Variants in DYNLT3 observed in about 807,000 individuals in gnomAD.
DYNLT3 encodes the protein protein 91/23.
In DYNLT3, 4 loss-of-function variants were observed where a neutral mutation model predicts 11.0. That is an observed-to-expected ratio of 0.36 (90% CI 0.18 to 0.83). The LOEUF (loss-of-function observed/expected upper bound fraction) is 0.83. Among genes scored for constraint, DYNLT3 ranks in the 40% least tolerant of loss-of-function variants. The pLI is 0.47. For synonymous variants in DYNLT3, 37 were observed against 31.2 expected (o/e 1.18, Z -0.61); for missense variants, 91 against 91.1 (o/e 1.00, Z 0.01).
At chrX:37,846,553 C>T (rs1253914605) in intron 1 of DYNLT3, among the ~76,000 whole-genome samples, 195 bp from the exon 2 acceptor site, 1 of 111,624 alleles carries the variant, frequency 9.0e-6, no homozygotes, top group African/African-American at 3.3e-5. Context: ...AGGTCTGGGG[C>T]AGAGCCTGCA....
chrX:37,845,190 T>C (rs1930243932), intron 2 of DYNLT3, among the ~76,000 whole-genome samples: 1 of 112,276 alleles, frequency 8.9e-6, no homozygotes, highest in African/African-American at 3.2e-5. Flanking sequence ...TAAAAACCTT[T>C]GCTTTCTACT....
At chrX:37,844,998 A>G (rs1383296485) in intron 2 of DYNLT3, among the ~76,000 whole-genome samples, 1 of 111,893 alleles carries the variant, frequency 8.9e-6, no homozygotes, top group Non-Finnish European at 1.9e-5. Context: ...AACTTAAGGA[A>G]GAAGGCACTA....
intron 2 of DYNLT3, among the ~76,000 whole-genome samples, chrX:37,845,739 A>G (rs1930255350): frequency 8.9e-6 from 1 of 112,890 alleles, no homozygotes; most frequent in African/African-American, 3.2e-5. Flanking sequence ...TATCCAAAAG[A>G]CAGGGCATCA....
In DYNLT3 at chrX:37,841,053, G is replaced by A. The variant is rs772379871; in HGVS notation, c.249C>T (p.Ser83=). The A allele has an allele frequency of 1.1e-5, 13 of 1,208,404 alleles. No individual in the cohort carries two copies. The highest frequency in any genetic ancestry group is 1.8e-5 in the South Asian group (1 of 56,701). ...CATCAGATGTGGTATCCCAAAAACAGGAGCTGGCTGTGTGAAAGCCATATG... is the reference window on the plus strand; with the variant it reads ...CATCAGATGTGGTATCCCAAAAACAAGAGCTGGCTGTGTGAAAGCCATATG... ...KSAYGFHTAS[S]CFWDTTSDGT... Residue 83 remains serine, a synonymous_variant, in exon 4 of 5, where the codon TCC becomes TCT. Coordinates refer to ENST00000378578, the MANE Select transcript of DYNLT3 (RefSeq NM_006520.3).
Position 37,839,331 on chromosome X carries a change from C to T in DYNLT3, c.*1244G>A, listed in dbSNP as rs1467788675. 2 of 111,605 alleles carry T rather than the reference C, an allele frequency of 1.8e-5. No individual in the cohort carries two copies. Among genetic ancestry groups the T allele is most frequent in the African/African-American group, 6.5e-5 (2 of 30,626 alleles). 9.2% of individuals were successfully genotyped at this position (111,605 alleles called of 1,213,427 possible). A position where few individuals can be genotyped will look rare whatever the true frequency, so the allele number is the denominator to read the frequency against. ...GCAGATTGACTTCGCATTTGGTGGCCAGCTGTGTACCCTAATTTTTCATCT... is the reference window on the plus strand; with the variant it reads ...GCAGATTGACTTCGCATTTGGTGGCTAGCTGTGTACCCTAATTTTTCATCT... On this transcript the variant is annotated 3_prime_UTR_variant, in exon 5 of 5. Transcript: ENST00000378578.
At chrX:37,846,969 G>A in intron 1 of DYNLT3, 2 of 1,155,049 alleles carry the variant, frequency 1.7e-6, no homozygotes, top group South Asian at 3.8e-5. Flanking sequence ...GGTGAGGGTT[G>A]GGAAAGCCTG....
intron 1 of DYNLT3, 127 bp from the exon 2 acceptor site, chrX:37,846,485 C>T (rs2146836540): frequency 1.7e-6 from 1 of 573,880 alleles, no homozygotes; most frequent in Non-Finnish European, 2.7e-6. Context: ...ACAGAAGGGG[C>T]CAATCTTGCC....
Position 37,840,658 on chromosome X carries a change from C to A in DYNLT3, c.275-7G>T. ...CATCTTACGGTACAGGTTCCTGAAA[C>A]ACAAAAAAAGGATTTTGAAATACCA... is the stretch of plus-strand genomic sequence containing the variant. On this transcript the variant is annotated splice_region_variant and splice_polypyrimidine_tract_variant and intron_variant, in intron 4 of 4. Coordinates refer to ENST00000378578, the MANE Select transcript of DYNLT3 (RefSeq NM_006520.3). 8.5e-7 allele frequency: 1 copy of A among 1,179,162 alleles called. No homozygotes were observed. Among genetic ancestry groups the A allele is most frequent in the Admixed American group, 2.4e-5 (1 of 41,556 alleles).
At chrX:37,846,900 T>C in intron 1 of DYNLT3, 2 of 815,925 alleles carry the variant, frequency 2.5e-6, no homozygotes, top group Non-Finnish European at 3.6e-6. Flanking sequence ...GACAACTTAG[T>C]CTTTTCTTTG....
chrX:37,847,318 G>T, intron 1 of DYNLT3, 163 bp downstream of exon 1: 1 of 878,562 alleles, frequency 1.1e-6, no homozygotes, highest in Middle Eastern at 4.4e-4. Flanking sequence ...TGGGGAGAAC[G>T]GGTCGGGCGG....
chrX:37,841,821 T>C lies in DYNLT3; in HGVS notation c.157A>G (p.Thr53Ala). 1 of 1,181,051 alleles carries C rather than the reference T, an allele frequency of 8.5e-7. No individual in the cohort carries two copies. Among genetic ancestry groups the C allele is most frequent in the South Asian group, 1.9e-5 (1 of 52,502 alleles). Reference sequence around the variant, plus strand: ...GCTTTTCCCAACTTAACCAGGTGTGTTAAGGATTGTTCCACTATGCTTGCA... The same window carrying C: ...GCTTTTCCCAACTTAACCAGGTGTGCTAAGGATTGTTCCACTATGCTTGCA... ...WTASIVEQSLTHLVKLGKAYK... is the reference protein window; with the variant it reads ...WTASIVEQSLAHLVKLGKAYK... The change falls in exon 3 of 5, where the codon ACA (threonine) becomes GCA (alanine). Residue 53 changes from threonine to alanine, a missense_variant. Transcript: ENST00000378578.
chrX:37,846,571 AT>A (rs201428720), intron 1 of DYNLT3, among the ~76,000 whole-genome samples: 5 of 110,646 alleles, frequency 4.5e-5, no homozygotes, highest in South Asian at 3.8e-4. Flanking sequence ...GCAAGTCTAC[AT>A]TTTTTTTTAA....
chrX:37,846,122 G>A (rs1018138985), intron 2 of DYNLT3, among the ~76,000 whole-genome samples, 195 bp downstream of exon 2: 1 of 112,179 alleles, frequency 8.9e-6, no homozygotes, highest in Non-Finnish European at 1.9e-5. Flanking sequence ...AGTGAGCTGA[G>A]ATCACACCAC....
chrX:37,843,817 G>A (rs940127425), intron 2 of DYNLT3, among the ~76,000 whole-genome samples: 2 of 111,717 alleles, frequency 1.8e-5, no homozygotes, highest in Non-Finnish European at 1.9e-5. Flanking sequence ...AATAAGATCA[G>A]TAAGGAAATC....
chrX:37,846,949 A>T (rs1221395824), intron 1 of DYNLT3: 2 of 1,123,944 alleles, frequency 1.8e-6, no homozygotes, highest in Non-Finnish European at 2.4e-6. Context: ...AACTGACATC[A>T]TGGGTTTCTG....
At chrX:37,845,838 A>G (rs1930256909) in intron 2 of DYNLT3, among the ~76,000 whole-genome samples, 1 of 112,634 alleles carries the variant, frequency 8.9e-6, no homozygotes, top group African/African-American at 3.2e-5. Flanking sequence ...AACAAAATAT[A>G]GAAGGACCCC....
At chrX:37,841,650 G>A (rs1489062209) in intron 3 of DYNLT3, 132 bp downstream of exon 3, 2 of 660,079 alleles carry the variant, frequency 3.0e-6, no homozygotes, top group African/African-American at 4.6e-5. Context: ...CTTTGAATGA[G>A]TAAATCAGAA....
chrX:37,840,762 ACAC>A (rs1317663395), intron 4 of DYNLT3, 111 bp from the exon 5 acceptor site: 6,418 of 310,039 alleles, frequency 0.021, 236 homozygotes, highest in African/African-American at 0.14. Context: ...ACACACACAC[ACAC>A]ACACACACAC....
rs775700640 is a variant in DYNLT3, at chrX:37,847,044, G to A, written c.30+437C>T. 1.1e-5 allele frequency: 13 copies of A among 1,164,252 alleles called. No homozygotes were observed. In the East Asian group the frequency reaches 2.3e-4, roughly 20 times the overall value. ...TTGCCTAATCCTGGCAAGCATTACCGGGAGCGGGAATGGCAGTGCCACCAG... is the reference window on the plus strand; with the variant it reads ...TTGCCTAATCCTGGCAAGCATTACCAGGAGCGGGAATGGCAGTGCCACCAG... On this transcript the variant is annotated intron_variant, in intron 1 of 4. Coordinates refer to ENST00000378578, the MANE Select transcript of DYNLT3 (RefSeq NM_006520.3).
Sources: gnomAD v4.1 joint callset for allele counts (sites outside exome capture counted in the v4.1 genomes callset) on GRCh38, gnomAD v4.1.1 for gene constraint, MANE v1.5 for transcripts, NCBI Gene and HGNC (gene_info 2026-07-23, HGNC 2026-07-21) for gene names.